INSC: variants seen among roughly 807,000 people sequenced by gnomAD.
The protein encoded by INSC is protein inscuteable homolog.
Under a neutral mutation model 58.6 loss-of-function variants are expected in INSC, and 67 were observed. The observed-to-expected ratio is 1.14, with a 90% confidence interval of 0.94 to 1.40. The LOEUF (loss-of-function observed/expected upper bound fraction) is 1.40. INSC is among the 40% of genes most tolerant of loss of function. The pLI is 0.00. For synonymous variants in INSC, 262 were observed against 276.1 expected, an observed-to-expected ratio of 0.95 and a Z score of 0.51; for missense variants, 714 against 692.0, an observed-to-expected ratio of 1.03 and a Z score of -0.36.
intron 1 of INSC, among the ~76,000 whole-genome samples, chr11:15,128,448 T>C (rs80128225): frequency 2.5e-4 from 38 of 152,280 alleles, no homozygotes; most frequent in Non-Finnish European, 5.1e-4. Flanking sequence ...ATCAAATGTA[T>C]ATTATTATCC....
intron 3 of INSC, among the ~76,000 whole-genome samples, chr11:15,176,762 C>T (rs1849586992): frequency 1.3e-5 from 2 of 152,182 alleles, no homozygotes; most frequent in Admixed American, 1.3e-4. Flanking sequence ...TCATCATTCT[C>T]ATTTCACATT....
intron 6 of INSC, among the ~76,000 whole-genome samples, chr11:15,194,006 G>C (rs1301547468): frequency 1.3e-5 from 2 of 152,132 alleles, no homozygotes; most frequent in East Asian, 1.9e-4. Context: ...GGCTGGATCT[G>C]AAAAATGCCT....
At chr11:15,113,143 T>TTCTTTCTTTCTTTCTTTCTTTCTTTCTC, upstream of INSC, among the ~76,000 whole-genome samples, 87 of 98,684 alleles carry the variant, frequency 8.8e-4, 7 homozygotes, top group African/African-American at 1.6e-3. Context: ...CTTTCTTTCT[T>TTCTTTCTTTCTTTCTTTCTTTCTTTCTC]TCTGTCTCTC....
intron 2 of INSC, among the ~76,000 whole-genome samples, chr11:15,161,137 G>A (rs533514003): frequency 1.1e-4 from 16 of 152,180 alleles, no homozygotes; most frequent in Admixed American, 7.8e-4. Flanking sequence ...ATTGAGAGAG[G>A]GCCACTGCCT....
rs191239073 is a variant in INSC, at chr11:15,126,341, A to G, written c.-46+11338A>G. On this transcript the variant is annotated intron_variant, in intron 1 of 12. Coordinates refer to ENST00000379556, the MANE Select transcript of INSC (RefSeq NM_001042536.3). ...CTTTATGGCTAACACAAACAGCAGG[A>G]TATGGTAGTGGCAGTTCCTGGGACA... Among the ~76,000 whole-genome samples the G allele has an allele frequency of 1.6e-3, 251 of 152,322 alleles. 1 individual carries two copies. Among genetic ancestry groups the G allele is most frequent in the African/African-American group, 5.6e-3 (234 of 41,570 alleles).
In INSC at chr11:15,225,752, A is replaced by T. The variant is rs1184025215; in HGVS notation, c.1094A>T (p.Gln365Leu). The part of the protein sequence containing the change: ...FDTMACEMLL[Q>L]LNAIRVLLEA... ...ACAATGGCCTGCGAGATGCTCCTGCAGTTGAATGCCATCCGTGTTCTCCTG... is the reference window on the plus strand; with the variant it reads ...ACAATGGCCTGCGAGATGCTCCTGCTGTTGAATGCCATCCGTGTTCTCCTG... The change falls in exon 9 of 13, where the codon CAG becomes CTG. Residue 365 changes from glutamine to leucine, a missense_variant. Transcript: ENST00000379556. 3 of 1,614,092 alleles carry T rather than the reference A, an allele frequency of 1.9e-6. No individual in the cohort carries two copies. The highest frequency in any genetic ancestry group is 2.5e-6 in the Non-Finnish European group (3 of 1,180,014).
At chr11:15,116,183 T>C (rs1847688320) in intron 1 of INSC, among the ~76,000 whole-genome samples, 1 of 152,158 alleles carries the variant, frequency 6.6e-6, no homozygotes, top group Non-Finnish European at 1.5e-5. Context: ...ACACTGCCTT[T>C]GGAAGGCAAG....
chr11:15,177,037 C>A, intron 3 of INSC, 74 bp from the exon 4 acceptor site: 1 of 1,130,304 alleles, frequency 8.8e-7, no homozygotes, highest in Non-Finnish European at 1.4e-6. Flanking sequence ...TTAATGTCCC[C>A]GTGTGCTCAG....
chr11:15,146,284 A>G (rs927625102), intron 1 of INSC, among the ~76,000 whole-genome samples: 7 of 152,232 alleles, frequency 4.6e-5, no homozygotes, highest in African/African-American at 1.7e-4. Flanking sequence ...TTCACAACCC[A>G]GACTCTTGAC....
intron 1 of INSC, among the ~76,000 whole-genome samples, chr11:15,127,748 G>T (rs1021682210): frequency 2.6e-5 from 4 of 152,312 alleles, no homozygotes; most frequent in Non-Finnish European, 5.9e-5. Context: ...GATCAAGCAA[G>T]GTGGATGGAA....
chr11:15,161,758 C>T (rs1453554430), intron 2 of INSC, among the ~76,000 whole-genome samples: 1 of 152,136 alleles, frequency 6.6e-6, no homozygotes, highest in Admixed American at 6.5e-5. Flanking sequence ...CACAGTAAGG[C>T]CTATGCTGAT....
intron 6 of INSC, among the ~76,000 whole-genome samples, chr11:15,199,110 C>T (rs1165913178): frequency 6.6e-6 from 1 of 152,186 alleles, no homozygotes; most frequent in Non-Finnish European, 1.5e-5. Flanking sequence ...TCTGCCTTCT[C>T]TATGAGACCA....
chr11:15,111,733 A>G (rs1288038574), upstream of INSC, among the ~76,000 whole-genome samples: 2 of 152,176 alleles, frequency 1.3e-5, no homozygotes, highest in Admixed American at 6.5e-5. Flanking sequence ...CTGTGTCTGT[A>G]TTATGGGGAT....
rs930340472 is a variant in INSC at position 15,159,831 on chromosome 11, A to C, written c.56+10601A>C. 2.0e-5 allele frequency among the ~76,000 whole-genome samples: 3 copies of C among 152,252 alleles called. No individual in the cohort carries two copies. The South Asian group carries it at 6.2e-4, about 32-fold the overall frequency. ...AGATAATACATGTGAATCAATCCAC[A>C]TGATAATTGGCATAGGGCCCGTCCT... is the stretch of plus-strand genomic sequence containing the variant. On this transcript the variant is annotated intron_variant, in intron 2 of 12. Transcript: ENST00000379556.
intron 1 of INSC, among the ~76,000 whole-genome samples, chr11:15,124,697 T>G (rs1847950077): frequency 6.6e-6 from 1 of 152,116 alleles, no homozygotes; most frequent in Non-Finnish European, 1.5e-5. Flanking sequence ...TTCTTTCAGT[T>G]CTCTTAGGCT....
chr11:15,231,123 T>A (rs1291343215), intron 9 of INSC, among the ~76,000 whole-genome samples: 1 of 152,182 alleles, frequency 6.6e-6, no homozygotes, highest in Non-Finnish European at 1.5e-5. Flanking sequence ...TCTCCTGGGC[T>A]CTCTTGCCTC....
upstream of INSC, among the ~76,000 whole-genome samples, chr11:15,112,741 G>A (rs1321025809): frequency 6.6e-6 from 1 of 151,994 alleles, no homozygotes; most frequent in African/African-American, 2.4e-5. Flanking sequence ...CAGAGTTTGG[G>A]CCTGGAAATA....
chr11:15,203,789 G>A (rs1850688295), intron 7 of INSC, among the ~76,000 whole-genome samples: 1 of 151,770 alleles, frequency 6.6e-6, no homozygotes, highest in South Asian at 2.1e-4. Context: ...TCAGCCTGCT[G>A]TCTGCCTTGT....
chr11:15,259,478 T>C, the INSC span, among the ~76,000 whole-genome samples: 2 of 152,210 alleles, frequency 1.3e-5, no homozygotes. Context: ...TCTCTTTTAC[T>C]CCATACTCTC....
Sources: gnomAD v4.1 joint callset for allele counts (sites outside exome capture counted in the v4.1 genomes callset) on GRCh38, gnomAD v4.1.1 for gene constraint, MANE v1.5 for transcripts, NCBI Gene and HGNC (gene_info 2026-07-23, HGNC 2026-07-21) for gene names.